The following EPHA8 variants were observed in gnomAD, a reference collection of about 807,000 sequenced individuals.
The protein encoded by EPHA8 is EPH receptor A8.
EPHA8 carries 58 observed loss-of-function variants against 103.6 expected under a neutral mutation model. That is an observed-to-expected ratio of 0.56 (90% CI 0.45 to 0.70). The LOEUF is 0.70. Among genes scored for constraint, EPHA8 ranks in the 30% least tolerant of loss-of-function variants. EPHA8 has a pLI of 0.00. For missense variants in EPHA8, 1,304 were observed against 1,395.2 expected (o/e 0.93, Z 1.04); for synonymous variants, 559 against 572.5 (o/e 0.98, Z 0.34).
intron 3 of EPHA8, among the ~76,000 whole-genome samples, chr1:22,584,141 C>T (rs943267999): frequency 6.6e-6 from 1 of 152,246 alleles, no homozygotes; most frequent in African/African-American, 2.4e-5. Flanking sequence ...TGACAAAATG[C>T]AAAGCCCTTT....
At chr1:22,571,015 C>T (rs1415009679) in intron 2 of EPHA8, among the ~76,000 whole-genome samples, 1 of 152,204 alleles carries the variant, frequency 6.6e-6, no homozygotes, top group Non-Finnish European at 1.5e-5. Flanking sequence ...ATGGCATTCC[C>T]CTGAGTCCCA....
chr1:22,586,402 G>T, intron 3 of EPHA8, 78 bp from the exon 4 acceptor site: 2 of 1,531,268 alleles, frequency 1.3e-6, no homozygotes, highest in Non-Finnish European at 1.8e-6. Context: ...AGGAAGCTGT[G>T]GGCCACAGTG....
rs1469702000 is a variant in EPHA8, at chr1:22,602,763, C to T, written c.*1022C>T. ...CTTCTCAGCACCCAGCCCACCCCTT[C>T]CTGTAGCATATGGGGAGACTAAGGC... On this transcript the variant is annotated 3_prime_UTR_variant, in exon 17 of 17. Transcript: ENST00000166244. The T allele has an allele frequency of 6.6e-6, 1 of 152,494 alleles. No individual in the cohort carries two copies. The highest frequency in any genetic ancestry group is 1.5e-5 in the Non-Finnish European group (1 of 68,102). 9.4% of individuals were successfully genotyped at this position (152,494 alleles called of 1,614,324 possible). A position where few individuals can be genotyped will look rare whatever the true frequency, so the allele number is the denominator to read the frequency against.
intron 1 of EPHA8, among the ~76,000 whole-genome samples, chr1:22,566,406 A>G (rs1640360142): frequency 6.6e-6 from 1 of 152,232 alleles, no homozygotes; most frequent in Admixed American, 6.5e-5. Context: ...GAAAAAAAGA[A>G]ATCGCATAAT....
chr1:22,601,574 C>A, intron 16 of EPHA8, 53 bp from the exon 17 acceptor site: 1 of 1,584,484 alleles, frequency 6.3e-7, no homozygotes, highest in Non-Finnish European at 8.6e-7. Flanking sequence ...TGGCTGCGTG[C>A]GCGGCTCCCA....
chr1:22,597,278 G>A lies in EPHA8; in HGVS notation c.1766-34G>A. On this transcript the variant is annotated intron_variant, in intron 9 of 16. Coordinates refer to ENST00000166244, the MANE Select transcript of EPHA8 (RefSeq NM_020526.5). This position sits in a 1 kb window ranked among gnomAD's most constrained non-coding sequence, Gnocchi z 4.6. ...ATGTCAGGAAAAAGCAATCTCTCCT[G>A]GGCCCCACTGAAGGCCCTCCTCCCG... is the stretch of plus-strand genomic sequence containing the variant. 1 of 1,561,106 alleles carries A rather than the reference G, an allele frequency of 6.4e-7. No homozygotes were observed. Among genetic ancestry groups the A allele is most frequent in the Non-Finnish European group, 8.8e-7 (1 of 1,142,304 alleles).
intron 7 of EPHA8, among the ~76,000 whole-genome samples, chr1:22,594,088 C>G (rs1274721727): frequency 6.6e-5 from 10 of 152,246 alleles, no homozygotes; most frequent in Admixed American, 6.5e-4. Context: ...GCCTCAGCCT[C>G]CCAAAGTGCT....
Position 22,603,485 on chromosome 1 carries a change from C to T in EPHA8, c.*1744C>T, listed in dbSNP as rs1422757135. On this transcript the variant is annotated 3_prime_UTR_variant, in exon 17 of 17. Coordinates refer to ENST00000166244, the MANE Select transcript of EPHA8 (RefSeq NM_020526.5). Reference sequence around the variant, plus strand: ...GCCTGGCACTTGCAAAAGTGTGGCCCCTCACTCTAGTGTGTGGTCCCTCTC... The same window carrying T: ...GCCTGGCACTTGCAAAAGTGTGGCCTCTCACTCTAGTGTGTGGTCCCTCTC... The T allele has an allele frequency of 6.6e-6, 1 of 152,252 alleles. No individual in the cohort carries two copies. The highest frequency in any genetic ancestry group is 2.4e-5 in the African/African-American group (1 of 41,292). The allele number at this position is 152,252 out of a possible 1,614,324, so 9.4% of individuals were successfully genotyped here.
intron 3 of EPHA8, among the ~76,000 whole-genome samples, chr1:22,585,027 C>CTCTGTG (rs1037039744): frequency 2.7e-5 from 4 of 147,464 alleles, no homozygotes; most frequent in South Asian, 2.3e-4. Flanking sequence ...GGTCGTTTCT[C>CTCTGTG]TGTGTGTGTG....
chr1:22,570,505 A>G (rs1026174387), intron 2 of EPHA8, among the ~76,000 whole-genome samples: 32 of 152,186 alleles, frequency 2.1e-4, no homozygotes, highest in African/African-American at 7.0e-4. Context: ...GAATAATAAT[A>G]TTAATAATGA....
rs562633314 is a variant in EPHA8, at chr1:22,588,810, T to C, written c.980-61T>C. 7.9e-6 allele frequency: 12 copies of C among 1,516,632 alleles called. No homozygotes were observed. In the African/African-American group the frequency reaches 1.5e-4, roughly 19 times the overall value. 93.9% of individuals were successfully genotyped at this position (1,516,632 alleles called of 1,614,324 possible). ...CCTTGGGGAGCCCCAGGTCTGATGA[T>C]AGGAAGACAGGACAGCCCAAATAAA... On this transcript the variant is annotated intron_variant, in intron 4 of 16. Transcript: ENST00000166244.
chr1:22,594,800 TC>T (rs1641472129), intron 7 of EPHA8, among the ~76,000 whole-genome samples: 1 of 152,190 alleles, frequency 6.6e-6, no homozygotes, highest in African/African-American at 2.4e-5. Flanking sequence ...TCTCTGAGCC[TC>T]TTTCCATCTG....
At chr1:22,566,173 A>G (rs1463055805) in intron 1 of EPHA8, among the ~76,000 whole-genome samples, 3 of 152,048 alleles carry the variant, frequency 2.0e-5, no homozygotes, top group African/African-American at 7.2e-5. Context: ...ACCTGCAGAG[A>G]CGCCCCCCGG....
chr1:22,570,897 C>T (rs1391689321), intron 2 of EPHA8, among the ~76,000 whole-genome samples: 1 of 152,248 alleles, frequency 6.6e-6, no homozygotes, highest in Non-Finnish European at 1.5e-5. Context: ...CCCGCGTGAG[C>T]GTGGTGTGGA....
At chr1:22,596,273 G>A (rs1020177647) in intron 9 of EPHA8, 100 bp downstream of exon 9, 61 of 1,237,040 alleles carry the variant, frequency 4.9e-5, no homozygotes, top group Non-Finnish European at 6.8e-5. Flanking sequence ...AAGGTGCCCA[G>A]TGAAAAAACC....
At chr1:22,599,737 AGGG>A (rs1272048437) in intron 13 of EPHA8, among the ~76,000 whole-genome samples, 33 of 1,120 alleles carry the variant, frequency 0.029, no homozygotes, top group East Asian at 0.08. Context: ...GGAAGGAAGG[AGGG>A]AGGGAGGAAG....
rs199559772 is a variant in EPHA8, at chr1:22,601,397, C to T, written c.2827C>T (p.Arg943Cys). 5.5e-5 allele frequency: 88 copies of T among 1,611,380 alleles called. 1 individual carries two copies. Among genetic ancestry groups the T allele is most frequent in the South Asian group, 3.3e-4 (30 of 91,060 alleles). ...LTVGDWLDSI[R>C]MGRYRDHFAA... ...CGTGGGGGACTGGCTGGACTCCATC[C>T]GCATGGGCCGGTACCGAGACCACTT... Residue 943 changes from arginine to cysteine, a missense_variant, in exon 16 of 17, where the codon CGC becomes TGC. Coordinates refer to ENST00000166244, the MANE Select transcript of EPHA8 (RefSeq NM_020526.5).
In EPHA8 at chr1:22,601,719, A is replaced by AGG; in HGVS notation, c.2999_3000dup (p.Pro1001GlyfsTer131). ...ATGCGGGCCCAGCTGACCAGCACCC[A>AGG]GGGGCCCCGCCGGCACCTCTGATGT... is the stretch of plus-strand genomic sequence containing the variant. On this transcript the variant is annotated frameshift_variant, in exon 17 of 17. Transcript: ENST00000166244. LOFTEE classifies it high-confidence loss of function. The AGG allele has an allele frequency of 6.4e-7, 1 of 1,565,886 alleles. No individual in the cohort carries two copies. The highest frequency in any genetic ancestry group is 8.7e-7 in the Non-Finnish European group (1 of 1,155,280).
chr1:22,577,800 A>G (rs112514303), intron 3 of EPHA8, among the ~76,000 whole-genome samples: 5 of 111,742 alleles, frequency 4.5e-5, no homozygotes, highest in South Asian at 3.1e-4. Flanking sequence ...GTGTGTGCGT[A>G]AGTGTATGTG....
Sources: allele counts gnomAD v4.1 joint callset (sites outside exome capture counted in the v4.1 genomes callset), GRCh38; gene constraint gnomAD v4.1.1; non-coding constraint Gnocchi (gnomAD v3.1); transcripts MANE v1.5; gene names NCBI Gene and HGNC (gene_info 2026-07-23, HGNC 2026-07-21).